CDKL5: variants seen among roughly 807,000 people sequenced by gnomAD.
CDKL5 encodes cyclin-dependent kinase-like 5.
A neutral mutation model predicts 61.7 loss-of-function variants in CDKL5; 8 were observed. The observed-to-expected ratio is 0.13, with a 90% CI of 0.08 to 0.23. The LOEUF (loss-of-function observed/expected upper bound fraction) is 0.23. CDKL5 is among the 10% of genes least tolerant of loss of function. The pLI is 1.00. For missense variants in CDKL5, 440 were observed against 734.5 expected, an observed-to-expected ratio of 0.60 and a Z score of 4.63; for synonymous variants, 275 against 272.3, an observed-to-expected ratio of 1.01 and a Z score of -0.10.
chrX:18,530,918 C>G (rs775428825), intron 3 of CDKL5, among the ~76,000 whole-genome samples: 1 of 111,916 alleles, frequency 8.9e-6, no homozygotes, highest in African/African-American at 3.2e-5. Context: ...TCTGTGGGTT[C>G]TCCTAAGAAC....
At chrX:18,518,587 G>A (rs1201437807) in intron 3 of CDKL5, among the ~76,000 whole-genome samples, 1 of 106,057 alleles carries the variant, frequency 9.4e-6, no homozygotes, top group Non-Finnish European at 1.9e-5. Flanking sequence ...TTTATTTTTA[G>A]TAGAGATGGC....
At chrX:18,475,619 A>G (rs1921280281) in intron 1 of CDKL5, among the ~76,000 whole-genome samples, 1 of 112,275 alleles carries the variant, frequency 8.9e-6, no homozygotes, top group Non-Finnish European at 1.9e-5. Context: ...TTTTGTAAGA[A>G]CATTTTAAGA....
intron 4 of CDKL5, among the ~76,000 whole-genome samples, chrX:18,574,801 G>A (rs1376550444): frequency 8.9e-6 from 1 of 111,920 alleles, no homozygotes; most frequent in Non-Finnish European, 1.9e-5. Context: ...CTTGAATTGT[G>A]GATGCTTGGC....
At chrX:18,598,347 C>G in intron 10 of CDKL5, 115 bp from the exon 11 acceptor site, 1 of 524,603 alleles carries the variant, frequency 1.9e-6, no homozygotes, top group Non-Finnish European at 3.2e-6. Context: ...ACTGTGTTTA[C>G]TTGATATTCT....
intron 9 of CDKL5, among the ~76,000 whole-genome samples, chrX:18,594,363 C>T (rs770428611): frequency 2.7e-5 from 3 of 111,426 alleles, no homozygotes; most frequent in African/African-American, 9.8e-5. Flanking sequence ...TAAACTTGAC[C>T]CCTTCCCCTC....
chrX:18,650,562 G>T (rs1432798449), exon 21 of CDKL5: 1 of 1,210,877 alleles, frequency 8.3e-7, no homozygotes, highest in African/African-American at 1.7e-5. Context: ...CCGAGGCACT[G>T]ATGCTTTCAG....
intron 3 of CDKL5, among the ~76,000 whole-genome samples, chrX:18,544,293 C>T (rs1373189637): frequency 1.8e-5 from 2 of 112,185 alleles, no homozygotes; most frequent in African/African-American, 6.5e-5. Context: ...GATACAACCC[C>T]ATGATCTCTG....
chrX:18,651,234 T>C (rs1928021604), intron 21 of CDKL5, among the ~76,000 whole-genome samples: 1 of 92,163 alleles, frequency 1.1e-5, no homozygotes, highest in Admixed American at 1.2e-4. Context: ...TGTGTGTGTG[T>C]GTGTGTGTGT....
At chrX:18,459,769 A>G (rs1241793801) in intron 1 of CDKL5, among the ~76,000 whole-genome samples, 1 of 77,893 alleles carries the variant, frequency 1.3e-5, no homozygotes, top group Non-Finnish European at 2.2e-5. Flanking sequence ...CAGTGGTGTG[A>G]TCTCAGCTCA....
intron 3 of CDKL5, among the ~76,000 whole-genome samples, chrX:18,551,559 CATTATTATTATTATT>C (rs10659381): frequency 2.5e-5 from 2 of 80,977 alleles, no homozygotes; most frequent in African/African-American, 9.0e-5. Flanking sequence ...GATACCTTGA[CATTATTATTATTATT>C]ATTATTATTA....
intron 8 of CDKL5, among the ~76,000 whole-genome samples, chrX:18,585,126 G>A (rs1319350276): frequency 8.9e-6 from 1 of 111,966 alleles, no homozygotes; most frequent in Non-Finnish European, 1.9e-5. Context: ...GAGCACAGTG[G>A]CTCACGCCTG....
chrX:18,596,476 TTTAA>T (rs1196164644), intron 10 of CDKL5, among the ~76,000 whole-genome samples: 2 of 112,275 alleles, frequency 1.8e-5, no homozygotes, highest in African/African-American at 3.2e-5. Flanking sequence ...ATTTTCCAAA[TTTAA>T]TTAAATACTG....
At chrX:18,520,757 C>T (rs1446375136) in intron 3 of CDKL5, among the ~76,000 whole-genome samples, 1 of 111,721 alleles carries the variant, frequency 9.0e-6, no homozygotes, top group African/African-American at 3.3e-5. Context: ...CCTTCTCCTC[C>T]TCCTCATTGA....
intron 5 of CDKL5, among the ~76,000 whole-genome samples, chrX:18,579,507 T>A (rs1446416505): frequency 1.8e-5 from 2 of 111,601 alleles, no homozygotes; most frequent in Non-Finnish European, 3.8e-5. Context: ...TTAAAAAGGC[T>A]CTTTCCCCCC....
In CDKL5 at chrX:18,604,350, T is replaced by A; in HGVS notation, c.1426T>A (p.Ser476Thr). 8.3e-7 allele frequency: 1 copy of A among 1,209,027 alleles called. No homozygotes were observed. The highest frequency in any genetic ancestry group is 1.1e-6 in the Non-Finnish European group (1 of 893,869). ...RHSYIDTIPQSSRSPSYRTKA... is the reference protein window; with the variant it reads ...RHSYIDTIPQTSRSPSYRTKA... ...TAGCTATATTGACACAATTCCCCAG[T>A]CCTCTAGGAGTCCCTCCTACAGGAC... Residue 476 changes from serine (S) to threonine (T), a missense_variant, in exon 12 of 18, where the codon TCC becomes ACC. By Grantham distance (58) the Ser-to-Thr change is moderately conservative (BLOSUM62 1). Coordinates refer to ENST00000623535, the MANE Select transcript of CDKL5 (RefSeq NM_001323289.2).
In CDKL5 at chrX:18,571,939, A is replaced by G. The variant is rs747816652; in HGVS notation, c.146-3415A>G. The stretch of plus-strand genomic sequence containing the variant: ...TCCAATGAGGTTGTTTGGGCACTAC[A>G]TTCTAGGTAATTTTGTGTGCTGCTT... On this transcript the variant is annotated intron_variant, in intron 4 of 17. Coordinates refer to ENST00000623535, the MANE Select transcript of CDKL5 (RefSeq NM_001323289.2). 2.7e-5 allele frequency among the ~76,000 whole-genome samples: 3 copies of G among 111,674 alleles called. No homozygotes were observed. The East Asian group carries it at 8.5e-4, about 32-fold the overall frequency.
intron 9 of CDKL5, among the ~76,000 whole-genome samples, chrX:18,594,144 T>C (rs1925916185): frequency 8.9e-6 from 1 of 112,492 alleles, no homozygotes; most frequent in East Asian, 2.8e-4. Flanking sequence ...TCCTCCCATT[T>C]ACTTATTTAG....
intron 1 of CDKL5, among the ~76,000 whole-genome samples, chrX:18,446,523 C>T (rs1813259652): frequency 8.9e-6 from 1 of 111,896 alleles, no homozygotes; most frequent in Admixed American, 9.5e-5. Context: ...GATTTGTTTC[C>T]CAGGTGAGCC....
rs192401193 is a variant in CDKL5 at position 18,429,829 on chromosome X, G to C, written c.-163+4134G>C. ...TTTTCTTTATTTTTAATAGAGGCGG[G>C]GTCTCATGATGTTGCTCAGGCTGGT... is the stretch of plus-strand genomic sequence containing the variant. On this transcript the variant is annotated intron_variant, in intron 1 of 17. Transcript: ENST00000623535. Among the ~76,000 whole-genome samples, 43 of 111,221 alleles carry C rather than the reference G, an allele frequency of 3.9e-4. No homozygotes were observed. The East Asian group carries it at 0.012, about 31-fold the overall frequency.
Sources: allele counts gnomAD v4.1 joint callset (sites outside exome capture counted in the v4.1 genomes callset), GRCh38; gene constraint gnomAD v4.1.1; transcripts MANE v1.5; gene names NCBI Gene and HGNC (gene_info 2026-07-23, HGNC 2026-07-21).